The following BCLAF3 variants were observed in gnomAD, a reference collection of about 807,000 sequenced individuals.
The protein encoded by BCLAF3 is BCLAF1 and THRAP3 family member 3.
In BCLAF3, 24 loss-of-function variants were observed where a neutral mutation model predicts 51.2. The observed-to-expected ratio is 0.47, with a 90% CI of 0.34 to 0.66. BCLAF3 has a LOEUF of 0.66. Among genes scored for constraint, BCLAF3 ranks in the 30% least tolerant of loss-of-function variants. The probability of loss-of-function intolerance (pLI) is 0.01; values close to 1 mark genes in which losing one functional copy is unlikely to be tolerated. For synonymous variants in BCLAF3, 152 were observed against 176.6 expected (o/e 0.86, Z 1.10); for missense variants, 465 against 525.1 (o/e 0.89, Z 1.12).
chrX:19,936,069 T>C (rs1041893150), intron 9 of BCLAF3, among the ~76,000 whole-genome samples, 171 bp from the exon 10 acceptor site: 1 of 112,070 alleles, frequency 8.9e-6, no homozygotes, highest in Non-Finnish European at 1.9e-5. Flanking sequence ...CCATGCTAAC[T>C]TGACCCTCGA....
rs1304662741 is a variant in BCLAF3 at position 19,978,777 on chromosome X, A to AT, written c.-34-8480dup. Among the ~76,000 whole-genome samples the AT allele has an allele frequency of 7.4e-5, 8 of 107,507 alleles. No homozygotes were observed. In the South Asian group the frequency reaches 3.2e-3, roughly 43 times the overall value. 93.4% of individuals were successfully genotyped at this position (107,507 alleles called of 115,157 possible). On this transcript the variant is annotated intron_variant, in intron 1 of 11. Transcript: ENST00000379682. ...CTTATTTATTTTTTTTTTGTCTTAT[A>AT]TTTTTTCAGAGATGGGGTTTCACTT...
intron 11 of BCLAF3, among the ~76,000 whole-genome samples, chrX:19,919,004 C>T (rs201880924): frequency 2.3e-4 from 26 of 111,408 alleles, no homozygotes; most frequent in Non-Finnish European, 4.5e-4. Flanking sequence ...ACATAGCCAT[C>T]CTAAAGTACC....
At chrX:19,926,704 A>T (rs904731239) in intron 11 of BCLAF3, among the ~76,000 whole-genome samples, 16 of 111,135 alleles carry the variant, frequency 1.4e-4, no homozygotes, top group African/African-American at 4.9e-4. Context: ...CTTGCGAATG[A>T]AGAGAAGGCC....
chrX:19,986,617 C>A (rs893189462), intron 1 of BCLAF3, among the ~76,000 whole-genome samples: 3 of 110,894 alleles, frequency 2.7e-5, no homozygotes, highest in Non-Finnish European at 5.7e-5. Context: ...GCAGAGAGAT[C>A]AAATAAAAGG....
At chrX:19,926,409 T>C (rs1431464305) in intron 11 of BCLAF3, among the ~76,000 whole-genome samples, 1 of 111,661 alleles carries the variant, frequency 9.0e-6, no homozygotes, top group Admixed American at 9.6e-5. Context: ...GAAGGCCTGA[T>C]TTCTGATTTC....
intron 11 of BCLAF3, among the ~76,000 whole-genome samples, chrX:19,925,904 A>G (rs1305367922): frequency 2.7e-5 from 3 of 112,026 alleles, no homozygotes; most frequent in Non-Finnish European, 3.8e-5. Context: ...CACAAACAGA[A>G]CAGCTTCAAT....
rs2069959796 is a variant in BCLAF3, at chrX:19,917,238, T to G, written c.*67A>C. On this transcript the variant is annotated 3_prime_UTR_variant, in exon 12 of 12. Coordinates refer to ENST00000379682, the MANE Select transcript of BCLAF3 (RefSeq NM_001367774.2). ...GTGCCTTAGTGTCACTTCTAACTCC[T>G]GACAAAAAGAGAGAGATGCTCCCAA... 1 of 1,034,182 alleles carries G rather than the reference T, an allele frequency of 9.7e-7. No individual in the cohort carries two copies. The highest frequency in any genetic ancestry group is 1.8e-5 in the African/African-American group (1 of 54,245). The allele number at this position is 1,034,182 out of a possible 1,213,427, so 85.2% of individuals were successfully genotyped here.
chrX:19,969,642 T>C (rs777085793), intron 2 of BCLAF3, among the ~76,000 whole-genome samples: 15 of 111,950 alleles, frequency 1.3e-4, no homozygotes, highest in Non-Finnish European at 2.8e-4. Context: ...TAGTTGGCCA[T>C]GGTGTCAATC....
chrX:19,924,300 T>C (rs1207661730), intron 11 of BCLAF3, among the ~76,000 whole-genome samples: 1 of 110,513 alleles, frequency 9.0e-6, no homozygotes, highest in Non-Finnish European at 1.9e-5. Flanking sequence ...TAATATCACA[T>C]CACACTAGGA....
At chrX:19,935,784 T>C (rs2070733965) in intron 10 of BCLAF3, 25 bp downstream of exon 10, 8 of 1,140,954 alleles carry the variant, frequency 7.0e-6, no homozygotes, top group Non-Finnish European at 9.6e-6. Context: ...AAAGCTGGAA[T>C]TAAATGGAAA....
intron 1 of BCLAF3, among the ~76,000 whole-genome samples, chrX:19,987,048 C>T (rs1292345516): frequency 2.7e-5 from 3 of 110,365 alleles, no homozygotes; most frequent in African/African-American, 9.9e-5. Context: ...TCAGGTGATC[C>T]TCCCAGTTCA....
chrX:19,987,455 C>T (rs1173345724), intron 1 of BCLAF3, among the ~76,000 whole-genome samples: 1 of 111,540 alleles, frequency 9.0e-6, no homozygotes, highest in East Asian at 2.8e-4. Flanking sequence ...CAGGCATGCA[C>T]CACCACGCCT....
chrX:19,971,781 A>C (rs2072267651), intron 1 of BCLAF3, among the ~76,000 whole-genome samples: 1 of 112,097 alleles, frequency 8.9e-6, no homozygotes, highest in Non-Finnish European at 1.9e-5. Flanking sequence ...CAGACCACAG[A>C]ATAAATAAGT....
At chrX:19,976,797 T>C (rs1222073728) in intron 1 of BCLAF3, among the ~76,000 whole-genome samples, 1 of 112,297 alleles carries the variant, frequency 8.9e-6, no homozygotes, top group Non-Finnish European at 1.9e-5. Flanking sequence ...TGCTCTGCCT[T>C]ACTGCGCTTC....
intron 11 of BCLAF3, among the ~76,000 whole-genome samples, chrX:19,921,088 CTA>C (rs2070140637): frequency 9.0e-6 from 1 of 111,420 alleles, no homozygotes; most frequent in Non-Finnish European, 1.9e-5. Context: ...AGCAGAGAGT[CTA>C]TGGGGAAATG....
chrX:19,923,527 T>G (rs1432010671), intron 11 of BCLAF3: 1 of 113,887 alleles, frequency 8.8e-6, no homozygotes, highest in Non-Finnish European at 1.9e-5. Flanking sequence ...ATTCAGTAGC[T>G]TTTTAGTATA....
At chrX:19,917,383 C>T (rs2069966566) in intron 11 of BCLAF3, 49 bp from the exon 12 acceptor site, 3 of 1,051,532 alleles carry the variant, frequency 2.9e-6, no homozygotes, top group Admixed American at 4.6e-5. Context: ...AAGTGTCAAA[C>T]ATCTGAGCTA....
chrX:19,962,819 T>G (rs947698618), intron 4 of BCLAF3, among the ~76,000 whole-genome samples: 2 of 111,913 alleles, frequency 1.8e-5, no homozygotes, highest in African/African-American at 6.5e-5. Context: ...GTATGGTGGC[T>G]CATGCCTGTA....
intron 4 of BCLAF3, among the ~76,000 whole-genome samples, chrX:19,960,719 C>T (rs1233415090): frequency 9.0e-6 from 1 of 111,340 alleles, no homozygotes; most frequent in African/African-American, 3.3e-5. Context: ...TATGGCTTTT[C>T]ACATTGTTCC....
Sources: gnomAD v4.1 joint callset for allele counts (sites outside exome capture counted in the v4.1 genomes callset) on GRCh38, gnomAD v4.1.1 for gene constraint, MANE v1.5 for transcripts, NCBI Gene and HGNC (gene_info 2026-07-23, HGNC 2026-07-21) for gene names.